Variants in CDC23 observed in about 807,000 individuals in gnomAD.
CDC23 encodes the protein cell division cycle 23.
In CDC23, 26 loss-of-function variants were observed where a neutral mutation model predicts 81.7. That is an observed-to-expected ratio of 0.32 (90% CI 0.23 to 0.44). CDC23 has a LOEUF of 0.44. CDC23 is among the 20% of genes least tolerant of loss of function. The pLI, the probability that CDC23 is intolerant of heterozygous loss-of-function variation, is 1.00. For missense variants in CDC23, 519 were observed against 728.0 expected (o/e 0.71, Z 3.30); for synonymous variants, 267 against 270.8 (o/e 0.99, Z 0.14).
In CDC23 at chr5:138,213,250, G is replaced by A; in HGVS notation, c.63C>T (p.Ser21=). The A allele has an allele frequency of 6.2e-7, 1 of 1,614,074 alleles. No homozygotes were observed. The highest frequency in any genetic ancestry group is 8.5e-7 in the Non-Finnish European group (1 of 1,180,038). The change falls in exon 1 of 16, where the codon TCC becomes TCT. Residue 21 remains serine (S), a synonymous_variant. Coordinates refer to ENST00000394886, the MANE Select transcript of CDC23 (RefSeq NM_004661.4). Reference sequence around the variant, plus strand: ...GCAAATCTGAGAAATCGCTGTTTATGGACAGGACAGGCGCCACTGCCGCCG... The same window carrying A: ...GCAAATCTGAGAAATCGCTGTTTATAGACAGGACAGGCGCCACTGCCGCCG... ...AVTAAVAPVL[S]INSDFSDLRE...
chr5:138,211,916 G>A (rs1268403920), intron 2 of CDC23, among the ~76,000 whole-genome samples: 1 of 152,128 alleles, frequency 6.6e-6, no homozygotes, highest in Non-Finnish European at 1.5e-5. Flanking sequence ...AAACTGCATT[G>A]ACTCAAAAAA....
At chr5:138,193,673 T>C (rs557076073) in intron 9 of CDC23, among the ~76,000 whole-genome samples, 1 of 149,612 alleles carries the variant, frequency 6.7e-6, no homozygotes, top group South Asian at 2.1e-4. Context: ...AAAGGTAGCA[T>C]TCTGACCAGG....
intron 4 of CDC23, among the ~76,000 whole-genome samples, chr5:138,201,737 C>T (rs1354620600): frequency 6.6e-6 from 1 of 152,222 alleles, no homozygotes; most frequent in Non-Finnish European, 1.5e-5. Context: ...ATATCTTACA[C>T]AACCCATTTA....
intron 8 of CDC23, 56 bp downstream of exon 8, chr5:138,198,370 A>C: frequency 6.3e-7 from 1 of 1,590,770 alleles, no homozygotes; most frequent in Non-Finnish European, 8.6e-7. Context: ...TGACAATCCA[A>C]CCCAGATTAG....
chr5:138,202,153 A>G lies in CDC23; in HGVS notation c.375T>C (p.Ser125=). 3.1e-6 allele frequency: 5 copies of G among 1,607,086 alleles called. No homozygotes were observed. The highest frequency in any genetic ancestry group is 4.3e-6 in the Non-Finnish European group (5 of 1,175,890). Residue 125 remains serine, a splice_region_variant and synonymous_variant, in exon 4 of 16, where the codon TCT becomes TCC. Transcript: ENST00000394886. ...YFLYMYSRYL[S]GEKKKDDETV... ...TTTCATCGTCCTTCTTTTTTTCTCC[A>G]GACTGTAAGAGAAAATCAACAAATA... is the stretch of plus-strand genomic sequence containing the variant.
At chr5:138,205,087 G>A (rs1400630503) in intron 3 of CDC23, among the ~76,000 whole-genome samples, 1 of 151,722 alleles carries the variant, frequency 6.6e-6, no homozygotes, top group Non-Finnish European at 1.5e-5. Flanking sequence ...GCTAATTATT[G>A]TATTTTTTGT....
chr5:138,205,562 G>T (rs1267778069), intron 3 of CDC23, among the ~76,000 whole-genome samples: 1 of 152,028 alleles, frequency 6.6e-6, no homozygotes, highest in Non-Finnish European at 1.5e-5. Flanking sequence ...GAGAGTTATT[G>T]TTTAATGGGT....
At chr5:138,198,899 C>T in intron 6 of CDC23, 117 bp from the exon 7 acceptor site, 1 of 1,009,964 alleles carries the variant, frequency 9.9e-7, no homozygotes, top group Non-Finnish European at 1.4e-6. Context: ...TATTAGAACA[C>T]CTAGTAATGA....
intron 2 of CDC23, among the ~76,000 whole-genome samples, chr5:138,212,020 G>C (rs1415387675): frequency 1.3e-5 from 2 of 152,136 alleles, no homozygotes; most frequent in Non-Finnish European, 2.9e-5. Flanking sequence ...TAGATGAGAA[G>C]GCTGTCACTT....
At chr5:138,198,880 C>T (rs1240868933) in intron 6 of CDC23, 98 bp from the exon 7 acceptor site, 2 of 1,283,954 alleles carry the variant, frequency 1.6e-6, no homozygotes. Context: ...GAATTTATCA[C>T]TAAAATTTTA....
intron 9 of CDC23, among the ~76,000 whole-genome samples, chr5:138,194,718 C>G (rs75174759): frequency 8.4e-6 from 1 of 118,790 alleles, no homozygotes; most frequent in African/African-American, 3.1e-5. Context: ...TTTTTGGTGT[C>G]TTTTTTTTTT....
At chr5:138,200,276 C>T (rs141299904) in intron 6 of CDC23, among the ~76,000 whole-genome samples, 2,850 of 152,200 alleles carry the variant, frequency 0.019, 44 homozygotes, top group Middle Eastern at 0.041. Flanking sequence ...GGATTACAGG[C>T]ATCCACAACC....
At chr5:138,210,958 C>T (rs1581491844) in intron 2 of CDC23, among the ~76,000 whole-genome samples, 2 of 152,086 alleles carry the variant, frequency 1.3e-5, no homozygotes, top group East Asian at 3.9e-4. Context: ...ACAGAGTTCA[C>T]AGATTTTTCA....
chr5:138,211,650 G>T (rs1386580785), intron 2 of CDC23, among the ~76,000 whole-genome samples: 1 of 148,650 alleles, frequency 6.7e-6, no homozygotes, highest in Non-Finnish European at 1.5e-5. Flanking sequence ...ACAAGAGCAA[G>T]ACTCCGTCTC....
At chr5:138,211,376 G>A (rs772370644) in intron 2 of CDC23, among the ~76,000 whole-genome samples, 2 of 152,176 alleles carry the variant, frequency 1.3e-5, no homozygotes, top group African/African-American at 2.4e-5. Flanking sequence ...TGGGGAAGGA[G>A]GAAAGCAAAG....
At position 138,206,697 on chromosome 5, in the gene CDC23, C is replaced by T. The variant is rs369477047; in HGVS notation, c.235-13G>A. ...CCTGGGCATCTTCCTAAAAAAGAAA[C>T]AAGCTTATGTAAGTGGTTGGGAATA... On this transcript the variant is annotated splice_polypyrimidine_tract_variant and intron_variant, in intron 2 of 15. Transcript: ENST00000394886. 5 of 1,606,630 alleles carry T rather than the reference C, an allele frequency of 3.1e-6. No individual in the cohort carries two copies. The African/African-American group carries it at 4.0e-5, about 13-fold the overall frequency.
rs1472604901 is a variant in CDC23, at chr5:138,212,453, G to A, written c.234+538C>T. Among the ~76,000 whole-genome samples, 3 of 152,082 alleles carry A rather than the reference G, an allele frequency of 2.0e-5. No homozygotes were observed. In the East Asian group the frequency reaches 5.8e-4, roughly 29 times the overall value. ...CCTGTCTCAGCCTCCCGAGTAACTG[G>A]GATTACAGGCGCGCGCCACCATGTC... On this transcript the variant is annotated intron_variant, in intron 2 of 15. Coordinates refer to ENST00000394886, the MANE Select transcript of CDC23 (RefSeq NM_004661.4).
Position 138,213,014 on chromosome 5 carries a change from G to T in CDC23, c.211C>A (p.Gln71Lys). 6.2e-7 allele frequency: 1 copy of T among 1,613,842 alleles called. No individual in the cohort carries two copies. Among genetic ancestry groups the T allele is most frequent in the Non-Finnish European group, 8.5e-7 (1 of 1,179,866 alleles). ...ACCTCTGTAATAGGCGGAGGCGGTT[G>T]CAGCTCGGCCAGAGGCAATGCAGGG... ...SLPALPLAEL[Q>K]PPPPITEEDA... Residue 71 changes from glutamine to lysine, a missense_variant, in exon 2 of 16, where the codon CAA (glutamine) becomes AAA (lysine). By Grantham distance (53) the Gln-to-Lys change is moderately conservative. This residue lies in a region of CDC23 where 126 missense variants were observed against 116.2 expected (regional missense o/e 1.08). Coordinates refer to ENST00000394886, the MANE Select transcript of CDC23 (RefSeq NM_004661.4).
chr5:138,187,658 C>T lies in CDC23; in HGVS notation c.*1320G>A, dbSNP rs555896751. The stretch of plus-strand genomic sequence containing the variant: ...CAGTTATATTAAAGATATTATTGTT[C>T]ACATTTTTTATTGAATTCCAAATGT... On this transcript the variant is annotated 3_prime_UTR_variant, in exon 16 of 16. Coordinates refer to ENST00000394886, the MANE Select transcript of CDC23 (RefSeq NM_004661.4). 10 of 340,654 alleles carry T rather than the reference C, an allele frequency of 2.9e-5. No homozygotes were observed. The East Asian group carries it at 5.2e-4, about 18-fold the overall frequency. 21.1% of individuals were successfully genotyped at this position (340,654 alleles called of 1,614,324 possible). A position where few individuals can be genotyped will look rare whatever the true frequency, so the allele number is the denominator to read the frequency against.
Sources: allele counts gnomAD v4.1 joint callset (sites outside exome capture counted in the v4.1 genomes callset), GRCh38; gene constraint gnomAD v4.1.1; regional missense constraint gnomAD v4.1.1; transcripts MANE v1.5; gene names NCBI Gene and HGNC (gene_info 2026-07-23, HGNC 2026-07-21).